The following LIMA1 variants were observed in gnomAD, a reference collection of about 807,000 sequenced individuals.
The protein encoded by LIMA1 is LIM domain and actin-binding protein 1.
Under a neutral mutation model 62.6 loss-of-function variants are expected in LIMA1, and 52 were observed. The observed-to-expected ratio is 0.83, with a 90% CI of 0.67 to 1.05. LIMA1 has a LOEUF of 1.05. Ranked by LOEUF, LIMA1 falls within the 50% of genes least tolerant of loss-of-function variation. LIMA1 has a pLI of 0.00. For missense variants in LIMA1, 780 were observed against 902.2 expected, an observed-to-expected ratio of 0.86 and a Z score of 1.74; for synonymous variants, 302 against 317.8, an observed-to-expected ratio of 0.95 and a Z score of 0.53.
At chr12:50,212,673 T>C (rs1312741233) in intron 4 of LIMA1, among the ~76,000 whole-genome samples, 3 of 152,078 alleles carry the variant, frequency 2.0e-5, no homozygotes, top group Non-Finnish European at 4.4e-5. Flanking sequence ...TAAAACCAAA[T>C]GCTAATGCTT....
chr12:50,251,414 T>C lies in LIMA1; in HGVS notation c.-23-2640A>G, dbSNP rs894487566. Among the ~76,000 whole-genome samples the C allele has an allele frequency of 3.3e-5, 5 of 151,724 alleles. No homozygotes were observed. In the East Asian group the frequency reaches 9.7e-4, roughly 29 times the overall value. ...GGCAGGCAGATCACTTGAGGTCAGG[T>C]GTCCAAGACCAGCCTGACCAACATG... On this transcript the variant is annotated intron_variant, in intron 1 of 10. Transcript: ENST00000341247.
intron 8 of LIMA1, among the ~76,000 whole-genome samples, chr12:50,194,687 A>G (rs761699332): frequency 1.3e-5 from 2 of 152,160 alleles, no homozygotes; most frequent in Non-Finnish European, 2.9e-5. Flanking sequence ...GGACTGCTTG[A>G]GACCAGGAGT....
At chr12:50,260,059 TCTCAA>T (rs2138669089) in intron 1 of LIMA1, among the ~76,000 whole-genome samples, 1 of 152,036 alleles carries the variant, frequency 6.6e-6, no homozygotes, top group African/African-American at 2.4e-5. Flanking sequence ...GCTCACTTAC[TCTCAA>T]CTCATCAAAA....
At chr12:50,277,186 G>A (rs1942285535) in intron 1 of LIMA1, among the ~76,000 whole-genome samples, 1 of 151,894 alleles carries the variant, frequency 6.6e-6, no homozygotes, top group African/African-American at 2.4e-5. Context: ...CTATGGGAGT[G>A]CCTAAAAAAA....
intron 1 of LIMA1, among the ~76,000 whole-genome samples, chr12:50,267,743 C>A (rs185031465): frequency 6.6e-6 from 1 of 150,962 alleles, no homozygotes; most frequent in South Asian, 2.1e-4. Context: ...TGGTTTTGAT[C>A]TCTTGACCTT....
At chr12:50,228,608 A>G (rs747270854) in intron 3 of LIMA1, among the ~76,000 whole-genome samples, 1 of 152,148 alleles carries the variant, frequency 6.6e-6, no homozygotes, top group African/African-American at 2.4e-5. Context: ...AGCTTATATC[A>G]TGCACCTCAT....
chr12:50,201,563 C>T (rs1272452154), intron 6 of LIMA1: 5 of 973,574 alleles, frequency 5.1e-6, no homozygotes, highest in Non-Finnish European at 6.1e-6. Flanking sequence ...GCAAAGGACA[C>T]TGGGGTGAAT....
At chr12:50,184,352 A>C (rs1219449304) in intron 9 of LIMA1, among the ~76,000 whole-genome samples, 1 of 152,224 alleles carries the variant, frequency 6.6e-6, no homozygotes, top group Admixed American at 6.5e-5. Context: ...TCTAGGTAGG[A>C]GATACACTGG....
intron 9 of LIMA1, among the ~76,000 whole-genome samples, chr12:50,185,122 G>A (rs1390846234): frequency 1.3e-5 from 2 of 152,154 alleles, no homozygotes; most frequent in African/African-American, 2.4e-5. Flanking sequence ...GAGCCACTGC[G>A]CCTGGCCCGG....
chr12:50,192,459 G>T lies in LIMA1; in HGVS notation c.1133C>A (p.Ala378Glu). ...SSLSESSPPK[A>E]MKKFQAPARE... The stretch of plus-strand genomic sequence containing the variant: ...GAGAAATTGCCATCATACCTTCATT[G>T]CTTTGGGAGGAGAACTTTCAGAAAG... The change falls in exon 9 of 11, where the codon GCA becomes GAA. Residue 378 changes from alanine (A) to glutamate (E), a missense_variant. Ala to Glu is a moderately radical substitution (Grantham distance 107, BLOSUM62 -1). Transcript: ENST00000341247. 1 of 1,607,952 alleles carries T rather than the reference G, an allele frequency of 6.2e-7. No individual in the cohort carries two copies. Among genetic ancestry groups the T allele is most frequent in the Non-Finnish European group, 8.5e-7 (1 of 1,174,378 alleles).
chr12:50,184,731 C>A (rs1940587644), intron 9 of LIMA1, among the ~76,000 whole-genome samples: 1 of 152,168 alleles, frequency 6.6e-6, no homozygotes, highest in Non-Finnish European at 1.5e-5. Flanking sequence ...AGAGCCTGTA[C>A]AAATCACAAT....
intron 6 of LIMA1, 35 bp downstream of exon 6, chr12:50,204,517 A>C: frequency 6.5e-7 from 1 of 1,544,834 alleles, no homozygotes; most frequent in Non-Finnish European, 8.8e-7. Flanking sequence ...TGGATGATGG[A>C]ATGAATGAAT....
chr12:50,221,895 T>C (rs1941447992), intron 4 of LIMA1, 126 bp downstream of exon 4: 1 of 739,026 alleles, frequency 1.4e-6, no homozygotes, highest in Non-Finnish European at 2.2e-6. Flanking sequence ...TATTAACTTA[T>C]CTAACTGGAA....
At chr12:50,244,465 C>T (rs1941820761) in intron 2 of LIMA1, among the ~76,000 whole-genome samples, 1 of 152,078 alleles carries the variant, frequency 6.6e-6, no homozygotes, top group African/African-American at 2.4e-5. Context: ...TCTTGAACTC[C>T]TGACCTCAAA....
rs11169313 is a variant in LIMA1, at chr12:50,195,890, A to G, written c.973-3T>C. 1 of 1,449,678 alleles carries G rather than the reference A, an allele frequency of 6.9e-7. No individual in the cohort carries two copies. Among genetic ancestry groups the G allele is most frequent in the South Asian group, 1.4e-5 (1 of 72,604 alleles). The allele number at this position is 1,449,678 out of a possible 1,614,324, so 89.8% of individuals were successfully genotyped here. A position where few individuals can be genotyped will look rare whatever the true frequency, so the allele number is the denominator to read the frequency against. On this transcript the variant is annotated splice_polypyrimidine_tract_variant and splice_region_variant and intron_variant, in intron 7 of 10. Coordinates refer to ENST00000341247, the MANE Select transcript of LIMA1 (RefSeq NM_016357.5). ...AGGCTATTCTCATTTGCAGAAATCT[A>G]CAAAAAAAAAAAAAAAAAAAAAGTT...
chr12:50,220,782 A>C (rs1941427262), intron 4 of LIMA1, among the ~76,000 whole-genome samples: 1 of 152,252 alleles, frequency 6.6e-6, no homozygotes, highest in Non-Finnish European at 1.5e-5. Flanking sequence ...GGCAGGACTA[A>C]AGGTCTAAAA....
chr12:50,246,122 C>T (rs958142705), intron 2 of LIMA1, among the ~76,000 whole-genome samples: 1 of 151,502 alleles, frequency 6.6e-6, no homozygotes, highest in Non-Finnish European at 1.5e-5. Flanking sequence ...ATCCCAGCTA[C>T]TCGGGAGGCT....
chr12:50,265,780 C>T (rs764192016), intron 1 of LIMA1, among the ~76,000 whole-genome samples: 3 of 151,920 alleles, frequency 2.0e-5, no homozygotes, highest in Non-Finnish European at 4.4e-5. Flanking sequence ...ACAAGCTGGG[C>T]TTTGTAAGGT....
chr12:50,190,682 ATTTTTTTTTTTTTTTTTTTTT>A (rs762182699), intron 9 of LIMA1, among the ~76,000 whole-genome samples: 141 of 93,036 alleles, frequency 1.5e-3, no homozygotes, highest in Middle Eastern at 6.6e-3. Flanking sequence ...ACCCGGCCTC[ATTTTTTTTTTTTTTTTTTTTT>A]TTTTTTTTTT....
Sources: gnomAD v4.1 joint callset for allele counts (sites outside exome capture counted in the v4.1 genomes callset) on GRCh38, gnomAD v4.1.1 for gene constraint, MANE v1.5 for transcripts, NCBI Gene and HGNC (gene_info 2026-07-23, HGNC 2026-07-21) for gene names.